Variants in TMPRSS6 observed in about 807,000 individuals in gnomAD.
TMPRSS6 encodes transmembrane serine protease 6, also known as transmembrane protease serine 6.
TMPRSS6 carries 67 observed loss-of-function variants against 101.5 expected under a neutral mutation model. The ratio of observed to expected loss-of-function variants is 0.66; its 90% CI spans 0.54 to 0.81. TMPRSS6 has a LOEUF of 0.81. Ranked by LOEUF, TMPRSS6 falls within the 30% of genes least tolerant of loss-of-function variation. The pLI is 0.00. For missense variants in TMPRSS6, 1,034 were observed against 1,088.7 expected (o/e 0.95, Z 0.71); for synonymous variants, 453 against 464.9 (o/e 0.97, Z 0.33).
chr22:37,103,237 C>T lies in TMPRSS6; in HGVS notation c.181G>A (p.Val61Met). 2 of 1,614,002 alleles carry T rather than the reference C, an allele frequency of 1.2e-6. No individual in the cohort carries two copies. Among genetic ancestry groups the T allele is most frequent in the East Asian group, 2.2e-5 (1 of 44,880 alleles). ...TTACCTAGGAAATACCAGAGTAGCA[C>T]CCCCGCCGAAGCCAGCACGAGCAGG... is the stretch of plus-strand genomic sequence containing the variant. The part of the protein sequence containing the change: ...LALLVLASAG[V>M]LLWYFLGYKA... Residue 61 changes from valine (V) to methionine (M), a missense_variant, in exon 2 of 18, where the codon GTG becomes ATG. Transcript: ENST00000676104. This position sits in a 1 kb window ranked among gnomAD's most constrained non-coding sequence, Gnocchi z 4.4.
In TMPRSS6 at chr22:37,069,320, G is replaced by A; in HGVS notation, c.1866C>T (p.Thr622=). 2 of 1,310,306 alleles carry A rather than the reference G, an allele frequency of 1.5e-6. No individual in the cohort carries two copies. Among genetic ancestry groups the A allele is most frequent in the Non-Finnish European group, 2.0e-6 (2 of 988,378 alleles). 81.2% of individuals were successfully genotyped at this position (1,310,306 alleles called of 1,614,324 possible). A position where few individuals can be genotyped will look rare whatever the true frequency, so the allele number is the denominator to read the frequency against. ...TCTGCCACACCTTGCCCAGGAACACGGTCCACAGCACCGTGGAGGCCATGC... is the reference window on the plus strand; with the variant it reads ...TCTGCCACACCTTGCCCAGGAACACAGTCCACAGCACCGTGGAGGCCATGC... ...EDSMASTVLW[T]VFLGKVWQNS... The change falls in exon 16 of 18, where the codon ACC becomes ACT. Residue 622 remains threonine, a synonymous_variant. Transcript: ENST00000676104. This position sits in a 1 kb window ranked among gnomAD's most constrained non-coding sequence, Gnocchi z 4.8.
intron 13 of TMPRSS6, among the ~76,000 whole-genome samples, chr22:37,072,911 GGAT>G (rs1171453516): frequency 6.6e-6 from 1 of 150,826 alleles, no homozygotes; most frequent in Non-Finnish European, 1.5e-5. Context: ...ATGGATAGAT[GGAT>G]GATGTATGGA....
chr22:37,075,432 C>T, intron 10 of TMPRSS6, 152 bp from the exon 11 acceptor site: 1 of 1,031,100 alleles, frequency 9.7e-7, no homozygotes, highest in Non-Finnish European at 1.4e-6. Context: ...ATGAGTGCAC[C>T]CCCAGAGTCA....
chr22:37,097,823 C>T (rs55747547), intron 3 of TMPRSS6, among the ~76,000 whole-genome samples: 10,646 of 64,028 alleles, frequency 0.17, 1,270 homozygotes, highest in Non-Finnish European at 0.18. Flanking sequence ...GAGCGGCCAC[C>T]GTCCTGTAAC....
chr22:37,105,269 C>A lies in TMPRSS6; in HGVS notation c.-1-1851G>T, dbSNP rs115848641. On this transcript the variant is annotated intron_variant, in intron 1 of 17. Coordinates refer to ENST00000676104, the MANE Select transcript of TMPRSS6 (RefSeq NM_001374504.1). ...AGGGGACCCTCACTGGGCATGACAT[C>A]CCCCTCCACAACTAAGCTAGGACAT... Among the ~76,000 whole-genome samples, 1,056 of 152,322 alleles carry A rather than the reference C, an allele frequency of 6.9e-3. 8 individuals carry two copies. The highest frequency in any genetic ancestry group is 0.024 in the African/African-American group (1,007 of 41,572).
At chr22:37,105,448 A>G (rs761972868) in intron 1 of TMPRSS6, among the ~76,000 whole-genome samples, 2 of 152,244 alleles carry the variant, frequency 1.3e-5, no homozygotes, top group Non-Finnish European at 2.9e-5. Context: ...CAGACCAGTA[A>G]CAGGGTGCTG....
intron 7 of TMPRSS6, among the ~76,000 whole-genome samples, chr22:37,087,910 C>G (rs922175130): frequency 3.3e-5 from 5 of 151,848 alleles, no homozygotes; most frequent in African/African-American, 9.7e-5. Flanking sequence ...AAGGGGCCAC[C>G]TGCTCTGTCT....
rs1411096820 is a variant in TMPRSS6, at chr22:37,103,226, C to A, written c.192G>T (p.Trp64Cys). 1.9e-6 allele frequency: 3 copies of A among 1,613,976 alleles called. No homozygotes were observed. The highest frequency in any genetic ancestry group is 1.3e-5 in the African/African-American group (1 of 75,046). ...GTCCCACAACGTTACCTAGGAAATACCAGAGTAGCACCCCCGCCGAAGCCA... is the reference window on the plus strand; with the variant it reads ...GTCCCACAACGTTACCTAGGAAATAACAGAGTAGCACCCCCGCCGAAGCCA... ...LVLASAGVLL[W>C]YFLGYKAEVM... Residue 64 changes from tryptophan (W) to cysteine (C), a missense_variant, in exon 2 of 18, where the codon TGG becomes TGT. Trp to Cys is a radical substitution (Grantham distance 215). Transcript: ENST00000676104. This position sits in a 1 kb window ranked among gnomAD's most constrained non-coding sequence, Gnocchi z 4.4.
In TMPRSS6 at chr22:37,069,933, CAG is replaced by C. The variant is rs1478666756; in HGVS notation, c.1841+549_1841+550del. Among the ~76,000 whole-genome samples, 1 of 152,114 alleles carries C rather than the reference CAG, an allele frequency of 6.6e-6. No homozygotes were observed. Among genetic ancestry groups the C allele is most frequent in the Non-Finnish European group, 1.5e-5 (1 of 68,014 alleles). The stretch of plus-strand genomic sequence containing the variant: ...TAGGTGGTCAGAGCGCCCTGCGTCC[CAG>C]AGAGGATACAAAAGGGGATCCCTGT... On this transcript the variant is annotated intron_variant, in intron 15 of 17. Transcript: ENST00000676104. This position sits in a 1 kb window ranked among gnomAD's most constrained non-coding sequence, Gnocchi z 4.8.
At chr22:37,084,583 C>A in intron 9 of TMPRSS6, 144 bp downstream of exon 9, 1 of 844,650 alleles carries the variant, frequency 1.2e-6, no homozygotes, top group Admixed American at 2.1e-5. Context: ...ACAGCCCTCT[C>A]CACCCTGGCA....
intron 6 of TMPRSS6, among the ~76,000 whole-genome samples, chr22:37,091,693 A>T (rs909897340): frequency 6.6e-6 from 1 of 152,140 alleles, no homozygotes; most frequent in Non-Finnish European, 1.5e-5. Context: ...CAGATTATCA[A>T]CCTCAGACTC....
At chr22:37,095,878 A>T in intron 5 of TMPRSS6, 28 bp downstream of exon 5, 1 of 1,613,220 alleles carries the variant, frequency 6.2e-7, no homozygotes, top group Non-Finnish European at 8.5e-7. Context: ...CATGAGGCCA[A>T]CCCCACGTTT....
intron 8 of TMPRSS6, 79 bp from the exon 9 acceptor site, chr22:37,084,918 C>T (rs1928598491): frequency 2.0e-6 from 2 of 1,003,658 alleles, no homozygotes; most frequent in African/African-American, 1.6e-5. Context: ...GTAACCCCAC[C>T]ACCCCTACCA....
chr22:37,108,461 T>C (rs1426544910), intron 1 of TMPRSS6, among the ~76,000 whole-genome samples: 1 of 152,180 alleles, frequency 6.6e-6, no homozygotes, highest in Non-Finnish European at 1.5e-5. Flanking sequence ...CACAGGGGCC[T>C]GAAGCAGTCC....
At chr22:37,082,065 G>A (rs1928313515) in intron 10 of TMPRSS6, among the ~76,000 whole-genome samples, 1 of 152,210 alleles carries the variant, frequency 6.6e-6, no homozygotes, top group Non-Finnish European at 1.5e-5. Flanking sequence ...GCATCAGGGA[G>A]GGAGGAGGGC....
In TMPRSS6 at chr22:37,103,857, C is replaced by T. The variant is rs961253223; in HGVS notation, c.-1-439G>A. ...GTTTCTTGCTCCTGGTTCTGGTTCA[C>T]GGAGCTTCCCACCACGCCCACACAG... On this transcript the variant is annotated intron_variant, in intron 1 of 17. Coordinates refer to ENST00000676104, the MANE Select transcript of TMPRSS6 (RefSeq NM_001374504.1). This position sits in a 1 kb window ranked among gnomAD's most constrained non-coding sequence, Gnocchi z 4.4. Among the ~76,000 whole-genome samples the T allele has an allele frequency of 2.0e-5, 3 of 152,108 alleles. No homozygotes were observed. The highest frequency in any genetic ancestry group is 2.1e-4 in the South Asian group (1 of 4,822).
chr22:37,091,053 A>C (rs562867965), intron 6 of TMPRSS6, among the ~76,000 whole-genome samples: 86 of 150,320 alleles, frequency 5.7e-4, no homozygotes, highest in African/African-American at 2.0e-3. Flanking sequence ...GCTCTGATGC[A>C]CTGCTAGAAC....
intron 10 of TMPRSS6, among the ~76,000 whole-genome samples, chr22:37,079,068 C>A (rs1319136552): frequency 6.6e-6 from 1 of 151,752 alleles, no homozygotes; most frequent in African/African-American, 2.4e-5. Flanking sequence ...GACTACCCTA[C>A]CCCCCATCAT....
Position 37,066,195 on chromosome 22 carries a change from C to T in TMPRSS6, c.2294G>A (p.Arg765His), listed in dbSNP as rs377180954. 47 of 1,613,058 alleles carry T rather than the reference C, an allele frequency of 2.9e-5. No individual in the cohort carries two copies. The highest frequency in any genetic ancestry group is 1.3e-4 in the African/African-American group (10 of 75,046). ...GCTGACCAGCCCCGCCAGGAACCAG[C>T]GGCCACTGAGTGCCTTGCACACCAG... The part of the protein sequence containing the change: ...GPLVCKALSG[R>H]WFLAGLVSWG... The change falls in exon 18 of 18, where the codon CGC becomes CAC. Residue 765 changes from arginine to histidine, a missense_variant. Physicochemically the swap from Arg to His is conservative, Grantham distance 29 (BLOSUM62 0). Coordinates refer to ENST00000676104, the MANE Select transcript of TMPRSS6 (RefSeq NM_001374504.1).
Sources: allele counts gnomAD v4.1 joint callset (sites outside exome capture counted in the v4.1 genomes callset), GRCh38; gene constraint gnomAD v4.1.1; non-coding constraint Gnocchi (gnomAD v3.1); transcripts MANE v1.5; gene names NCBI Gene and HGNC (gene_info 2026-07-23, HGNC 2026-07-21).